Variants in PIK3CB observed in about 807,000 individuals in gnomAD.
PIK3CB encodes the protein phosphatidylinositol-4,5-bisphosphate 3-kinase catalytic subunit beta, also known as phosphatidylinositol 4,5-bisphosphate 3-kinase catalytic subunit beta isoform.
Under a neutral mutation model 136.8 loss-of-function variants are expected in PIK3CB, and 39 were observed. The ratio of observed to expected loss-of-function variants is 0.29; its 90% CI spans 0.22 to 0.37. The LOEUF (loss-of-function observed/expected upper bound fraction) is 0.37. Among genes scored for constraint, PIK3CB ranks in the 10% least tolerant of loss-of-function variants. The probability of loss-of-function intolerance (pLI) is 1.00; values close to 1 mark genes in which losing one functional copy is unlikely to be tolerated. For missense variants in PIK3CB, 868 were observed against 1,275.4 expected, an observed-to-expected ratio of 0.68 and a Z score of 4.87; for synonymous variants, 428 against 436.6, an observed-to-expected ratio of 0.98 and a Z score of 0.25.
At chr3:138,702,110 T>TA (rs2044267835) in intron 12 of PIK3CB, among the ~76,000 whole-genome samples, 2 of 151,700 alleles carry the variant, frequency 1.3e-5, no homozygotes, top group South Asian at 4.2e-4. Context: ...TACAATTTTT[T>TA]TTTTTTTTTT....
At chr3:138,814,927 A>G (rs1323894740) in intron 1 of PIK3CB, among the ~76,000 whole-genome samples, 1 of 151,828 alleles carries the variant, frequency 6.6e-6, no homozygotes. Context: ...CATGAGGTCA[A>G]GAGATCGAGA....
chr3:138,777,879 A>C (rs2045877945), intron 2 of PIK3CB: 2 of 248,634 alleles, frequency 8.0e-6, no homozygotes, highest in Admixed American at 8.0e-5. Flanking sequence ...ACACCTGGTC[A>C]CCAAGGCTGC....
Position 138,657,704 on chromosome 3 carries a change from T to C in PIK3CB, c.2928A>G (p.Thr976=). The C allele has an allele frequency of 6.2e-7, 1 of 1,614,014 alleles. No homozygotes were observed. The highest frequency in any genetic ancestry group is 8.5e-7 in the Non-Finnish European group (1 of 1,179,912). ...GCAGTACTCACCGGCCAAACTTTTC[T>C]GTATTTCCTGTTTTTCCTTGTTGAA... ...HVIQQGKTGN[T]EKFGRFRQCC... is the part of the protein sequence containing the mutation. The change falls in exon 22 of 24, where the codon ACA becomes ACG. Residue 976 remains threonine (T), a synonymous_variant. Coordinates refer to ENST00000674063, the MANE Select transcript of PIK3CB (RefSeq NM_006219.3).
chr3:138,675,852 T>G (rs1301230026), intron 19 of PIK3CB, among the ~76,000 whole-genome samples: 1 of 152,150 alleles, frequency 6.6e-6, no homozygotes, highest in Non-Finnish European at 1.5e-5. Flanking sequence ...GAATTGAACT[T>G]AGAGTTCAGG....
intron 1 of PIK3CB, among the ~76,000 whole-genome samples, chr3:138,821,664 A>C (rs1164134803): frequency 6.6e-6 from 1 of 152,072 alleles, no homozygotes; most frequent in Non-Finnish European, 1.5e-5. Context: ...AGGCACCTGT[A>C]ATTCCAGCTA....
chr3:138,671,492 G>A (rs1169830851), intron 19 of PIK3CB, among the ~76,000 whole-genome samples: 1 of 152,048 alleles, frequency 6.6e-6, no homozygotes, highest in Non-Finnish European at 1.5e-5. Flanking sequence ...TTATAAATAG[G>A]TGTGGTTAAA....
chr3:138,773,453 G>A (rs543576773), intron 2 of PIK3CB, among the ~76,000 whole-genome samples: 45 of 152,168 alleles, frequency 3.0e-4, no homozygotes, highest in African/African-American at 1.1e-3. Flanking sequence ...TGGTATTTCA[G>A]TGGAGAGGGA....
At chr3:138,751,971 TAAAAAAA>T (rs11328258) in intron 4 of PIK3CB, among the ~76,000 whole-genome samples, 7 of 114,694 alleles carry the variant, frequency 6.1e-5, no homozygotes, top group Admixed American at 1.8e-4. Context: ...ACTCTGTATA[TAAAAAAA>T]AAAAAAAAAA....
chr3:138,745,587 C>T (rs1386132239), intron 4 of PIK3CB, among the ~76,000 whole-genome samples: 2 of 152,002 alleles, frequency 1.3e-5, no homozygotes, highest in African/African-American at 2.4e-5. Flanking sequence ...AAGCCAAGAT[C>T]GCACCCCTGC....
chr3:138,688,641 C>T (rs1281940563), intron 16 of PIK3CB, among the ~76,000 whole-genome samples: 1 of 151,712 alleles, frequency 6.6e-6, no homozygotes, highest in Non-Finnish European at 1.5e-5. Context: ...TATTTTTGTG[C>T]TAAGTTCATT....
At chr3:138,689,879 A>G (rs2043971763) in intron 15 of PIK3CB, among the ~76,000 whole-genome samples, 1 of 152,216 alleles carries the variant, frequency 6.6e-6, no homozygotes, top group Admixed American at 6.5e-5. Flanking sequence ...AATCTTACCA[A>G]TTTAAAGACA....
At chr3:138,737,644 A>AAT (rs372468230) in intron 6 of PIK3CB, 63 bp downstream of exon 6, 16,454 of 450,252 alleles carry the variant, frequency 0.037, 83 homozygotes, top group African/African-American at 0.06. Flanking sequence ...TCAGAAATAA[A>AAT]ATATATATAT....
chr3:138,728,143 A>C (rs1442927246), intron 8 of PIK3CB, among the ~76,000 whole-genome samples: 1 of 152,204 alleles, frequency 6.6e-6, no homozygotes, highest in South Asian at 2.1e-4. Context: ...AAACCTTCCC[A>C]TAAAGAAAAC....
intron 2 of PIK3CB, among the ~76,000 whole-genome samples, chr3:138,761,476 TA>T (rs1032740706): frequency 3.3e-5 from 5 of 152,134 alleles, no homozygotes. Flanking sequence ...AAATCAACTA[TA>T]AAAAACTATC....
In PIK3CB at chr3:138,694,788, C is replaced by T; in HGVS notation, c.1890G>A (p.Met630Ile). ...AGAAAACCACCTGCAGAAGATACCT[C>T]ATCTGTCGCAGGCAGCCTACAGCAT... is the stretch of plus-strand genomic sequence containing the variant. The part of the protein sequence containing the change: ...REYAVGCLRQ[M>I]SDEELSQYLL... The change falls in exon 14 of 24, where the codon ATG becomes ATA. Residue 630 changes from methionine (M) to isoleucine (I), a missense_variant and splice_region_variant. Met to Ile is a conservative substitution (Grantham distance 10). Coordinates refer to ENST00000674063, the MANE Select transcript of PIK3CB (RefSeq NM_006219.3). 1 of 1,612,326 alleles carries T rather than the reference C, an allele frequency of 6.2e-7. No individual in the cohort carries two copies. Among genetic ancestry groups the T allele is most frequent in the Non-Finnish European group, 8.5e-7 (1 of 1,179,172 alleles).
intron 4 of PIK3CB, among the ~76,000 whole-genome samples, chr3:138,755,293 G>T (rs556700041): frequency 8.5e-5 from 13 of 152,248 alleles, no homozygotes; most frequent in African/African-American, 3.1e-4. Context: ...ACAATCTGAG[G>T]TAAAGCAACA....
chr3:138,725,728 C>T (rs2044822653), intron 8 of PIK3CB, among the ~76,000 whole-genome samples: 1 of 152,116 alleles, frequency 6.6e-6, no homozygotes, highest in Non-Finnish European at 1.5e-5. Context: ...AAACTTTCTC[C>T]CTCTCCAGTC....
intron 1 of PIK3CB, among the ~76,000 whole-genome samples, chr3:138,798,779 A>G (rs1201497188): frequency 3.3e-5 from 5 of 152,148 alleles, no homozygotes; most frequent in Non-Finnish European, 7.4e-5. Context: ...CTAAGACCTT[A>G]GCACTGCCCA....
At chr3:138,687,910 G>A (rs985748697) in intron 16 of PIK3CB, among the ~76,000 whole-genome samples, 1 of 152,126 alleles carries the variant, frequency 6.6e-6, no homozygotes, top group Non-Finnish European at 1.5e-5. Context: ...ATGAACACAA[G>A]GGAAATAGGC....
Sources: allele counts gnomAD v4.1 joint callset (sites outside exome capture counted in the v4.1 genomes callset), GRCh38; gene constraint gnomAD v4.1.1; transcripts MANE v1.5; gene names NCBI Gene and HGNC (gene_info 2026-07-23, HGNC 2026-07-21).